The following ZNF891 variants were observed in gnomAD, a reference collection of about 807,000 sequenced individuals.
The protein encoded by ZNF891 is hCG1646157.
For missense variants in ZNF891, 589 were observed against 632.7 expected, an observed-to-expected ratio of 0.93 and a Z score of 0.74; for synonymous variants, 199 against 209.0, an observed-to-expected ratio of 0.95 and a Z score of 0.41.
In ZNF891 at chr12:133,109,367, G is replaced by C. The variant is rs1235990468; in HGVS notation, c.*10917C>G. ...GGGTAAAATCTGCACAAGAGTCCAA[G>C]GGATGCACTGTTAATGAGAATTTTA... On this transcript the variant is annotated 3_prime_UTR_variant, in exon 2 of 2. Coordinates refer to ENST00000537226, the MANE Select transcript of ZNF891 (RefSeq NM_001277291.2). The C allele has an allele frequency of 6.6e-6, 1 of 152,198 alleles. No individual in the cohort carries two copies. Among genetic ancestry groups the C allele is most frequent in the East Asian group, 1.9e-4 (1 of 5,202 alleles). The allele number at this position is 152,198 out of a possible 1,614,324, so 9.4% of individuals were successfully genotyped here. A position where few individuals can be genotyped will look rare whatever the true frequency, so the allele number is the denominator to read the frequency against.
chr12:133,105,350 G>GAAGT lies in ZNF891; in HGVS notation c.*14930_*14933dup, dbSNP rs1955553421. Among the ~76,000 whole-genome samples the GAAGT allele has an allele frequency of 6.6e-6, 1 of 152,038 alleles. No individual in the cohort carries two copies. The highest frequency in any genetic ancestry group is 2.4e-5 in the African/African-American group (1 of 41,384). On this transcript the variant is annotated 3_prime_UTR_variant, in exon 2 of 2. Transcript: ENST00000537226. ...TGTCTATCTCTGTTTGATCTTTTCT[G>GAAGT]AAGTTCTGGGCATACTACTCAGATT... is the stretch of plus-strand genomic sequence containing the variant.
At position 133,108,267 on chromosome 12, in the gene ZNF891, G is replaced by C. The variant is rs986422351; in HGVS notation, c.*12017C>G. ...ATATCTGATTTGGTGTCCTCAAGCAGCATGCCTTATTACATATGGGTATCT... is the reference window on the plus strand; with the variant it reads ...ATATCTGATTTGGTGTCCTCAAGCACCATGCCTTATTACATATGGGTATCT... On this transcript the variant is annotated 3_prime_UTR_variant, in exon 2 of 2. Coordinates refer to ENST00000537226, the MANE Select transcript of ZNF891 (RefSeq NM_001277291.2). The C allele has an allele frequency of 1.3e-5, 2 of 151,662 alleles. No homozygotes were observed. Among genetic ancestry groups the C allele is most frequent in the Non-Finnish European group, 2.9e-5 (2 of 67,966 alleles). 9.4% of individuals were successfully genotyped at this position (151,662 alleles called of 1,614,324 possible).
At position 133,112,602 on chromosome 12, in the gene ZNF891, GTGCGCCAC is replaced by G. The variant is rs1198276993; in HGVS notation, c.*7674_*7681del. On this transcript the variant is annotated 3_prime_UTR_variant, in exon 2 of 2. Coordinates refer to ENST00000537226, the MANE Select transcript of ZNF891 (RefSeq NM_001277291.2). ...TCCCGAAAACACTGGGATTACAGGC[GTGCGCCAC>G]TGCGCCTAGCCCTGACTGCTTTTTC... The G allele has an allele frequency of 1.3e-5, 2 of 152,358 alleles. No individual in the cohort carries two copies. The highest frequency in any genetic ancestry group is 4.8e-5 in the African/African-American group (2 of 41,462). 9.4% of individuals were successfully genotyped at this position (152,358 alleles called of 1,614,324 possible).
rs566840504 is a variant in ZNF891 at position 133,123,495 on chromosome 12, C to T, written c.-106-1471G>A. ...ATCCCAGCACTTTGGGAGACCAACGCGGAGGACTGCTACCAGACTGGGCAA... is the reference window on the plus strand; with the variant it reads ...ATCCCAGCACTTTGGGAGACCAACGTGGAGGACTGCTACCAGACTGGGCAA... On this transcript the variant is annotated intron_variant, in intron 1 of 1. Coordinates refer to ENST00000537226, the MANE Select transcript of ZNF891 (RefSeq NM_001277291.2). 1.1e-3 allele frequency among the ~76,000 whole-genome samples: 165 copies of T among 152,086 alleles called. 1 individual carries two copies. The highest frequency in any genetic ancestry group is 3.6e-3 in the African/African-American group (151 of 41,488).
In ZNF891 at chr12:133,106,655, T is replaced by G. The variant is rs1020350742; in HGVS notation, c.*13629A>C. ...ATTCCTTACTGAACACCAGTGAATT[T>G]ACACTGCAAAGAAAAACTATGAATG... On this transcript the variant is annotated 3_prime_UTR_variant, in exon 2 of 2. Transcript: ENST00000537226. 1.2e-5 allele frequency: 18 copies of G among 1,559,698 alleles called. No homozygotes were observed. Among genetic ancestry groups the G allele is most frequent in the Non-Finnish European group, 1.6e-5 (18 of 1,160,242 alleles).
At chr12:133,128,192 TC>T (rs1271805266) in intron 1 of ZNF891, among the ~76,000 whole-genome samples, 1 of 152,210 alleles carries the variant, frequency 6.6e-6, no homozygotes, top group Non-Finnish European at 1.5e-5. Context: ...CTTAAATATT[TC>T]CAAGTGGTTG....
At position 133,121,996 on chromosome 12, in the gene ZNF891, G is replaced by A; in HGVS notation, c.-78C>T. On this transcript the variant is annotated 5_prime_UTR_variant, in exon 2 of 2. Transcript: ENST00000537226. ...TTCTTGTGTCTCCAATCCAGTCACA[G>A]GAGGGATGCATTTCACCCGAAGTTC... 1.4e-6 allele frequency: 2 copies of A among 1,412,950 alleles called. No individual in the cohort carries two copies. The highest frequency in any genetic ancestry group is 1.8e-6 in the Non-Finnish European group (2 of 1,086,164). 87.5% of individuals were successfully genotyped at this position (1,412,950 alleles called of 1,614,324 possible). A position where few individuals can be genotyped will look rare whatever the true frequency, so the allele number is the denominator to read the frequency against.
chr12:133,120,971 A>G lies in ZNF891; in HGVS notation c.948T>C (p.Thr316=). 1 of 1,535,756 alleles carries G rather than the reference A, an allele frequency of 6.5e-7. No individual in the cohort carries two copies. The highest frequency in any genetic ancestry group is 8.7e-7 in the Non-Finnish European group (1 of 1,146,806). The change falls in exon 2 of 2, where the codon ACT becomes ACC. Residue 316 remains threonine (T), a synonymous_variant. Transcript: ENST00000537226. ...ATTGATTGCATTCATGTTTCTTTTC[A>G]GTATGAGTTTGTCCTTGTTTCTTAA... The part of the protein sequence containing the change: ...SSLKKQGQTH[T]EKKHECNQCG...
chr12:133,125,001 A>G (rs2137624065), intron 1 of ZNF891, among the ~76,000 whole-genome samples: 1 of 152,206 alleles, frequency 6.6e-6, no homozygotes, highest in African/African-American at 2.4e-5. Flanking sequence ...TATTCAAAAG[A>G]GCACACAGCA....
chr12:133,107,483 A>G lies in ZNF891; in HGVS notation c.*12801T>C, dbSNP rs1258292232. On this transcript the variant is annotated 3_prime_UTR_variant, in exon 2 of 2. Coordinates refer to ENST00000537226, the MANE Select transcript of ZNF891 (RefSeq NM_001277291.2). The stretch of plus-strand genomic sequence containing the variant: ...ATGTGATTCTGAAAATGTAACTACA[A>G]TATTGACATAAAAAATAAACAGTAG... 2 of 152,210 alleles carry G rather than the reference A, an allele frequency of 1.3e-5. No homozygotes were observed. Among genetic ancestry groups the G allele is most frequent in the Admixed American group, 1.3e-4 (2 of 15,276 alleles). 9.4% of individuals were successfully genotyped at this position (152,210 alleles called of 1,614,324 possible).
Position 133,105,790 on chromosome 12 carries a change from T to A in ZNF891, c.*14494A>T. On this transcript the variant is annotated 3_prime_UTR_variant, in exon 2 of 2. Transcript: ENST00000537226. Reference sequence around the variant, plus strand: ...GCCATGAATGTGGAAAAACTTTTGGTCGACGCTTTTCCCTGGTGTTACACC... The same window carrying A: ...GCCATGAATGTGGAAAAACTTTTGGACGACGCTTTTCCCTGGTGTTACACC... 1 of 1,614,126 alleles carries A rather than the reference T, an allele frequency of 6.2e-7. No homozygotes were observed. Among genetic ancestry groups the A allele is most frequent in the East Asian group, 2.2e-5 (1 of 44,880 alleles).
At position 133,119,223 on chromosome 12, in the gene ZNF891, G is replaced by GA. The variant is rs201592590; in HGVS notation, c.*1060dup. 30,597 of 143,172 alleles carry GA rather than the reference G, an allele frequency of 0.21. 3,479 individuals are homozygous for GA. Among genetic ancestry groups the GA allele is most frequent in the Non-Finnish European group, 0.27 (17,734 of 65,458 alleles). 8.9% of individuals were successfully genotyped at this position (143,172 alleles called of 1,614,324 possible). A position where few individuals can be genotyped will look rare whatever the true frequency, so the allele number is the denominator to read the frequency against. ...AGACAGAGACTCTGTCTGAAAAATT[G>GA]AAAAAAAAAAAGAAAAAATCAATTA... On this transcript the variant is annotated 3_prime_UTR_variant, in exon 2 of 2. Coordinates refer to ENST00000537226, the MANE Select transcript of ZNF891 (RefSeq NM_001277291.2).
chr12:133,124,045 T>TA (rs1250415956), intron 1 of ZNF891, among the ~76,000 whole-genome samples: 3 of 152,096 alleles, frequency 2.0e-5, no homozygotes, highest in African/African-American at 4.8e-5. Context: ...TAAAGATATA[T>TA]AAAAAATCAA....
At chr12:133,126,969 CTTTTTTT>C (rs543463648) in intron 1 of ZNF891, among the ~76,000 whole-genome samples, 5 of 88,686 alleles carry the variant, frequency 5.6e-5, no homozygotes, top group Admixed American at 1.2e-4. Flanking sequence ...TACAGGAAAA[CTTTTTTT>C]TTTTTTTTTT....
rs1288743997 is a variant in ZNF891 at position 133,105,655 on chromosome 12, T to C, written c.*14629A>G. ...AAGGAGGCTGGAAATGCAAGGATCA[T>C]ACTGAGATGCTGCAAGAAAATCAGG... On this transcript the variant is annotated 3_prime_UTR_variant, in exon 2 of 2. Transcript: ENST00000537226. 7 of 1,614,210 alleles carry C rather than the reference T, an allele frequency of 4.3e-6. No homozygotes were observed. In the South Asian group the frequency reaches 5.5e-5, roughly 13 times the overall value.
chr12:133,123,220 A>T (rs1955781956), intron 1 of ZNF891, among the ~76,000 whole-genome samples: 1 of 152,234 alleles, frequency 6.6e-6, no homozygotes, highest in Non-Finnish European at 1.5e-5. Flanking sequence ...CCAGGAGCGT[A>T]TATAGGTCTG....
Position 133,105,579 on chromosome 12 carries a change from A to G in ZNF891, c.*14705T>C. 4 of 1,614,120 alleles carry G rather than the reference A, an allele frequency of 2.5e-6. No individual in the cohort carries two copies. Among genetic ancestry groups the G allele is most frequent in the Non-Finnish European group, 3.4e-6 (4 of 1,180,020 alleles). On this transcript the variant is annotated 3_prime_UTR_variant, in exon 2 of 2. Transcript: ENST00000537226. ...GTCATTTATGATGACTCATCCCAGT[A>G]TTTGATCATGGAAAGAATTCTAAGT...
rs1439258087 is a variant in ZNF891 at position 133,115,318 on chromosome 12, A to T, written c.*4966T>A. The T allele has an allele frequency of 2.1e-5, 3 of 145,078 alleles. No homozygotes were observed. Among genetic ancestry groups the T allele is most frequent in the Non-Finnish European group, 4.5e-5 (3 of 66,816 alleles). 9.0% of individuals were successfully genotyped at this position (145,078 alleles called of 1,614,324 possible). ...TGAGGCAGGAGAATTGCTTGAACCC[A>T]GGAGGCAGAGGTTGCTGTGAGCCGA... On this transcript the variant is annotated 3_prime_UTR_variant, in exon 2 of 2. Coordinates refer to ENST00000537226, the MANE Select transcript of ZNF891 (RefSeq NM_001277291.2).
chr12:133,127,241 A>G (rs1267188626), intron 1 of ZNF891, among the ~76,000 whole-genome samples: 1 of 152,184 alleles, frequency 6.6e-6, no homozygotes, highest in Non-Finnish European at 1.5e-5. Flanking sequence ...TTGGGATTAC[A>G]GGCGTGAGCC....
Sources: gnomAD v4.1 joint callset for allele counts (sites outside exome capture counted in the v4.1 genomes callset) on GRCh38, gnomAD v4.1.1 for gene constraint, MANE v1.5 for transcripts, NCBI Gene and HGNC (gene_info 2026-07-23, HGNC 2026-07-21) for gene names.